Variants in AGRN observed in about 807,000 individuals in gnomAD.
AGRN encodes agrin.
AGRN carries 106 observed loss-of-function variants against 211.0 expected under a neutral mutation model. The ratio of observed to expected loss-of-function variants is 0.50; its 90% confidence interval spans 0.43 to 0.59. The LOEUF (loss-of-function observed/expected upper bound fraction) is 0.59, where lower values mean the gene tolerates loss of function less well. Among genes scored for constraint, AGRN ranks in the 20% least tolerant of loss-of-function variants. AGRN has a pLI of 0.00. For synonymous variants in AGRN, 1,525 were observed against 1,332.5 expected, an observed-to-expected ratio of 1.14 and a Z score of -3.15; for missense variants, 3,040 against 2,982.6, an observed-to-expected ratio of 1.02 and a Z score of -0.45.
chr1:1,048,280 CG>C lies in AGRN; in HGVS notation c.4026del (p.Thr1343ProfsTer84). 5 of 1,525,306 alleles carry C rather than the reference CG, an allele frequency of 3.3e-6. No individual in the cohort carries two copies. The highest frequency in any genetic ancestry group is 1.8e-6 in the Non-Finnish European group (2 of 1,132,638). The allele number at this position is 1,525,306 out of a possible 1,614,324, so 94.5% of individuals were successfully genotyped here. A position where few individuals can be genotyped will look rare whatever the true frequency, so the allele number is the denominator to read the frequency against. ...KPCDSQPCFH[G>X]GTCQDWALGG... Reference sequence around the variant, plus strand: ...CCTGTGACTCACAGCCCTGCTTCCACGGGGGGACCTGCCAGGACTGGGCATT... The same window carrying C: ...CCTGTGACTCACAGCCCTGCTTCCACGGGGGACCTGCCAGGACTGGGCATT... On this transcript the variant is annotated frameshift_variant, in exon 23 of 36. Coordinates refer to ENST00000379370, the MANE Select transcript of AGRN (RefSeq NM_198576.4). LOFTEE classifies it high-confidence loss of function. The surrounding 1 kb of genome is among the most constrained non-coding windows in gnomAD (Gnocchi z 5.9).
In AGRN at chr1:1,049,010, G is replaced by A. The variant is rs1645186783; in HGVS notation, c.4249G>A (p.Gly1417Ser). 2 of 1,581,008 alleles carry A rather than the reference G, an allele frequency of 1.3e-6. No homozygotes were observed. The highest frequency in any genetic ancestry group is 8.6e-7 in the Non-Finnish European group (1 of 1,165,596). The change falls in exon 24 of 36, where the codon GGC becomes AGC. Residue 1417 changes from glycine to serine, a missense_variant. Physicochemically the swap from Gly to Ser is moderately conservative, Grantham distance 56. Around this residue, in one of 3 missense-constraint regions of AGRN, gnomAD observed 1,537 missense variants for 1,505.0 expected, o/e 1.02. Transcript: ENST00000379370. ...GCTGCTGTACAATGGCAACGCCCGG[G>A]GCAAGGACTTCCTGGCATTGGCGCT... ...GLLLYNGNAR[G>S]KDFLALALLD...
At position 1,050,460 on chromosome 1, in the gene AGRN, A is replaced by G. The variant is rs1278257866; in HGVS notation, c.5010A>G (p.Ala1670=). The G allele has an allele frequency of 6.2e-7, 1 of 1,612,898 alleles. No individual in the cohort carries two copies. Among genetic ancestry groups the G allele is most frequent in the South Asian group, 1.1e-5 (1 of 91,088 alleles). ...TGGCGCTGGAGGTCGTGTTCCTGGC[A>G]CGAGGCCCCAGCGGCCTCCTGCTCT... ...EKMALEVVFL[A]RGPSGLLLYN... The change falls in exon 29 of 36, where the codon GCA becomes GCG. Residue 1670 remains alanine (A), a synonymous_variant. Coordinates refer to ENST00000379370, the MANE Select transcript of AGRN (RefSeq NM_198576.4).
chr1:1,040,614 C>T, intron 3 of AGRN, 51 bp from the exon 4 acceptor site: 2 of 1,528,724 alleles, frequency 1.3e-6, no homozygotes, highest in Non-Finnish European at 1.8e-6. Context: ...GGCTTGTGGA[C>T]GTGGGTACGG....
At chr1:1,039,336 C>A (rs936521083) in intron 3 of AGRN, among the ~76,000 whole-genome samples, 1 of 151,172 alleles carries the variant, frequency 6.6e-6, no homozygotes, top group South Asian at 2.1e-4. Flanking sequence ...AGACAGACAG[C>A]GCCAGAGCCT....
At chr1:1,051,219 G>A (rs765748676) in intron 30 of AGRN, 34 bp from the exon 31 acceptor site, 44 of 1,568,516 alleles carry the variant, frequency 2.8e-5, no homozygotes, top group Non-Finnish European at 3.1e-5. Context: ...CCGTGGGTGG[G>A]CTCTGCACAG....
At chr1:1,044,079 C>A in intron 10 of AGRN, 30 bp from the exon 11 acceptor site, 2 of 1,613,040 alleles carry the variant, frequency 1.2e-6, no homozygotes, top group East Asian at 2.2e-5. Context: ...ACAAGAAGCC[C>A]CTGGGTGACT....
At chr1:1,049,522 C>T (rs1186786968) in intron 25 of AGRN, 44 bp from the exon 26 acceptor site, 2 of 1,591,626 alleles carry the variant, frequency 1.3e-6, no homozygotes, top group South Asian at 1.1e-5. Context: ...GGTGGCTTTG[C>T]CTGTGGCCCC....
At position 1,041,581 on chromosome 1, in the gene AGRN, G is replaced by T. The variant is rs761291816; in HGVS notation, c.1056G>T (p.Arg352=). The T allele has an allele frequency of 6.2e-7, 1 of 1,610,670 alleles. No homozygotes were observed. The highest frequency in any genetic ancestry group is 1.1e-5 in the South Asian group (1 of 91,028). Residue 352 remains arginine, a synonymous_variant, in exon 6 of 36, where the codon CGG becomes CGT. Transcript: ENST00000379370. Reference sequence around the variant, plus strand: ...TACGGCCCGAGAGCTGCCCTGCCCGGCAGGCGCCAGTGTGTGGGGACGACG... The same window carrying T: ...TACGGCCCGAGAGCTGCCCTGCCCGTCAGGCGCCAGTGTGTGGGGACGACG... ...MLLRPESCPA[R]QAPVCGDDGV...
rs755427684 is a variant in AGRN, at chr1:1,048,063, G to A, written c.3803G>A (p.Gly1268Glu). 3.1e-4 allele frequency: 484 copies of A among 1,585,032 alleles called. No homozygotes were observed. The highest frequency in any genetic ancestry group is 5.8e-4 in the Admixed American group (34 of 58,508). ...GCCACGTCAGGAGCCATTGCTGCGG[G>A]AGCCACGGCCAGAGCCACCACTGCA... ...TGATSGAIAA[G>E]ATARATTASR... The change falls in exon 23 of 36, where the codon GGA becomes GAA. Residue 1268 changes from glycine to glutamate, a missense_variant. Around this residue, in one of 3 missense-constraint regions of AGRN, gnomAD observed 1,537 missense variants for 1,505.0 expected, o/e 1.02. Transcript: ENST00000379370. The surrounding 1 kb of genome is among the most constrained non-coding windows in gnomAD (Gnocchi z 5.9).
chr1:1,049,273 G>T lies in AGRN; in HGVS notation c.4336G>T (p.Ala1446Ser). The T allele has an allele frequency of 6.3e-7, 1 of 1,595,282 alleles. No homozygotes were observed. The highest frequency in any genetic ancestry group is 8.5e-7 in the Non-Finnish European group (1 of 1,177,738). Residue 1446 changes from alanine to serine, a missense_variant, in exon 25 of 36, where the codon GCC becomes TCC. This residue lies in a region of AGRN where 1,537 missense variants were observed against 1,505.0 expected (regional missense o/e 1.02). Coordinates refer to ENST00000379370, the MANE Select transcript of AGRN (RefSeq NM_198576.4). ...TTCGGGGCCGGCGGTGCTGACCAGT[G>T]CCGTGCCGGTAGAGCCGGGCCAGTG... ...TGSGPAVLTSAVPVEPGQWHR... is the reference protein window; with the variant it reads ...TGSGPAVLTSSVPVEPGQWHR...
intron 22 of AGRN, 50 bp from the exon 23 acceptor site, chr1:1,047,962 C>T (rs1279910353): frequency 4.5e-6 from 7 of 1,572,430 alleles, no homozygotes; most frequent in African/African-American, 4.1e-5. Flanking sequence ...GCCCCTCACC[C>T]CTTCCTGGCC....
chr1:1,028,614 C>T (rs1420360940), intron 2 of AGRN, among the ~76,000 whole-genome samples: 3 of 112,506 alleles, frequency 2.7e-5, no homozygotes, highest in African/African-American at 1.0e-4. Flanking sequence ...GCGCCCACAG[C>T]CACGCCACCC....
At position 1,034,552 on chromosome 1, in the gene AGRN, G is replaced by A. The variant is rs553730031; in HGVS notation, c.464-725G>A. 6.9e-5 allele frequency: 68 copies of A among 986,572 alleles called. 2 individuals are homozygous for A. The South Asian group carries it at 2.7e-3, about 39-fold the overall frequency. The allele number at this position is 986,572 out of a possible 1,614,324, so 61.1% of individuals were successfully genotyped here. A position where few individuals can be genotyped will look rare whatever the true frequency, so the allele number is the denominator to read the frequency against. Reference sequence around the variant, plus strand: ...AGTGGGGCGCAGAGCCGGAGCCCCGGGCCATGCCTCCGCTGCCGCTGGCGC... The same window carrying A: ...AGTGGGGCGCAGAGCCGGAGCCCCGAGCCATGCCTCCGCTGCCGCTGGCGC... On this transcript the variant is annotated intron_variant, in intron 2 of 35. Coordinates refer to ENST00000379370, the MANE Select transcript of AGRN (RefSeq NM_198576.4).
At position 1,041,460 on chromosome 1, in the gene AGRN, C is replaced by G; in HGVS notation, c.953-18C>G. On this transcript the variant is annotated intron_variant, in intron 5 of 35. Transcript: ENST00000379370. ...GGCGCGCGGCGACAGCGTCCTGACT[C>G]CTGCCCTCGACCCCCAGACCCCTGT... is the stretch of plus-strand genomic sequence containing the variant. 6.3e-7 allele frequency: 1 copy of G among 1,579,176 alleles called. No homozygotes were observed. Among genetic ancestry groups the G allele is most frequent in the Admixed American group, 1.8e-5 (1 of 56,878 alleles).
intron 3 of AGRN, among the ~76,000 whole-genome samples, chr1:1,035,825 T>C (rs1177494477): frequency 6.8e-6 from 1 of 146,836 alleles, no homozygotes; most frequent in African/African-American, 2.5e-5. Flanking sequence ...CCTGGGACTC[T>C]GCAGGCTGTC....
At chr1:1,029,974 G>C (rs1644620683) in intron 2 of AGRN, among the ~76,000 whole-genome samples, 1 of 57,022 alleles carries the variant, frequency 1.8e-5, no homozygotes, top group African/African-American at 4.9e-5. Flanking sequence ...TGCTGTGTGA[G>C]ATCAGCATGT....
intron 28 of AGRN, 22 bp from the exon 29 acceptor site, chr1:1,050,405 C>G (rs1250052251): frequency 6.2e-7 from 1 of 1,612,732 alleles, no homozygotes; most frequent in South Asian, 1.1e-5. Flanking sequence ...AGCAAAGACA[C>G]CCCGACTCCC....
chr1:1,035,342 CG>C lies in AGRN; in HGVS notation c.511+23del, dbSNP rs1402232527. On this transcript the variant is annotated intron_variant, in intron 3 of 35. Transcript: ENST00000379370. ...TCCTGATGGTGAGTAGGGCTGAGTT[CG>C]GGGGACCTGGATGGGCTGTGGCACT... The C allele has an allele frequency of 1.9e-6, 3 of 1,612,852 alleles. No homozygotes were observed. The highest frequency in any genetic ancestry group is 2.5e-6 in the Non-Finnish European group (3 of 1,179,944).
intron 2 of AGRN, chr1:1,034,811 C>T (rs1474825252): frequency 1.4e-6 from 1 of 734,854 alleles, no homozygotes; most frequent in Admixed American, 5.0e-5. Context: ...GGCAGCTTCC[C>T]GGGGATGGGA....
Sources: allele counts gnomAD v4.1 joint callset (sites outside exome capture counted in the v4.1 genomes callset), GRCh38; gene constraint gnomAD v4.1.1; regional missense constraint gnomAD v4.1.1; non-coding constraint Gnocchi (gnomAD v3.1); transcripts MANE v1.5; gene names NCBI Gene and HGNC (gene_info 2026-07-23, HGNC 2026-07-21).